NTRK3: variants seen among roughly 807,000 people sequenced by gnomAD.
The protein encoded by NTRK3 is NT-3 growth factor receptor.
A neutral mutation model predicts 91.7 loss-of-function variants in NTRK3; 24 were observed. The observed-to-expected ratio is 0.26, with a 90% confidence interval of 0.19 to 0.37. The LOEUF (loss-of-function observed/expected upper bound fraction) is 0.37. Ranked by LOEUF, NTRK3 falls within the 10% of genes least tolerant of loss-of-function variation. The pLI, the probability that NTRK3 is intolerant of heterozygous loss-of-function variation, is 1.00. For missense variants in NTRK3, 880 were observed against 1,068.9 expected (o/e 0.82, Z 2.46); for synonymous variants, 483 against 404.0 (o/e 1.20, Z -2.34).
rs189668821 is a variant in NTRK3, at chr15:87,960,422, C to T, written c.1586-19669G>A. Among the ~76,000 whole-genome samples the T allele has an allele frequency of 2.4e-4, 37 of 152,134 alleles. 1 individual carries two copies. In the East Asian group the frequency reaches 6.4e-3, roughly 26 times the overall value. ...GGATGTGGACCCATCTAGCACCCGTCTCTCTTCACTACTATAAACCCCTCT... is the reference window on the plus strand; with the variant it reads ...GGATGTGGACCCATCTAGCACCCGTTTCTCTTCACTACTATAAACCCCTCT... On this transcript the variant is annotated intron_variant, in intron 14 of 18. Transcript: ENST00000394480.
chr15:88,175,136 G>T (rs1388624065), intron 5 of NTRK3, among the ~76,000 whole-genome samples: 2 of 152,170 alleles, frequency 1.3e-5, no homozygotes, highest in African/African-American at 4.8e-5. Flanking sequence ...GTCATTCCTG[G>T]TTTATCTTTT....
At chr15:88,092,504 C>T (rs916667542) in intron 13 of NTRK3, among the ~76,000 whole-genome samples, 1 of 152,218 alleles carries the variant, frequency 6.6e-6, no homozygotes, top group Non-Finnish European at 1.5e-5. Context: ...TGTTGACTCT[C>T]TCAGAAAAAT....
At chr15:88,189,233 T>C (rs1264546729) in intron 3 of NTRK3, among the ~76,000 whole-genome samples, 3 of 152,054 alleles carry the variant, frequency 2.0e-5, no homozygotes, top group Admixed American at 6.6e-5. Flanking sequence ...TTCTAAAAAA[T>C]CAGTCTGAAA....
At chr15:88,163,235 T>C (rs2044629891) in intron 5 of NTRK3, among the ~76,000 whole-genome samples, 3 of 152,142 alleles carry the variant, frequency 2.0e-5, no homozygotes, top group Admixed American at 1.3e-4. Flanking sequence ...GGTCAACGGC[T>C]CATTTGTCTT....
At chr15:88,196,753 T>G (rs2047856452) in intron 3 of NTRK3, among the ~76,000 whole-genome samples, 1 of 152,162 alleles carries the variant, frequency 6.6e-6, no homozygotes, top group Admixed American at 6.5e-5. Context: ...CCTCATATAC[T>G]CACCCTCTGG....
At chr15:88,133,195 A>G (rs767680385) in intron 10 of NTRK3, among the ~76,000 whole-genome samples, 4 of 152,124 alleles carry the variant, frequency 2.6e-5, no homozygotes, top group Non-Finnish European at 5.9e-5. Context: ...ATAACTGACT[A>G]TGGTGACAAG....
At chr15:88,217,798 G>T (rs1371380092) in intron 3 of NTRK3, among the ~76,000 whole-genome samples, 1 of 141,138 alleles carries the variant, frequency 7.1e-6, no homozygotes, top group Non-Finnish European at 1.5e-5. Context: ...TCACTCTGTC[G>T]CCCAGGCTGG....
Position 88,183,308 on chromosome 15 carries a change from C to T in NTRK3, c.395+110G>A, listed in dbSNP as rs1597816212. ...AGCCCAATAAAGTTCAAAACCTTGCCCAAGAGCCCCTGGAGGCAAAAAGCC... is the reference window on the plus strand; with the variant it reads ...AGCCCAATAAAGTTCAAAACCTTGCTCAAGAGCCCCTGGAGGCAAAAAGCC... On this transcript the variant is annotated intron_variant, in intron 5 of 18. Coordinates refer to ENST00000394480, the Ensembl canonical transcript of NTRK3. The T allele has an allele frequency of 3.7e-6, 4 of 1,072,244 alleles. No individual in the cohort carries two copies. The East Asian group carries it at 9.5e-5, about 25-fold the overall frequency. 66.4% of individuals were successfully genotyped at this position (1,072,244 alleles called of 1,614,324 possible). A position where few individuals can be genotyped will look rare whatever the true frequency, so the allele number is the denominator to read the frequency against.
chr15:88,048,694 A>G (rs1348962339), intron 13 of NTRK3, among the ~76,000 whole-genome samples: 1 of 152,214 alleles, frequency 6.6e-6, no homozygotes, highest in African/African-American at 2.4e-5. Flanking sequence ...GATAAAATGT[A>G]GGCTATGTAT....
At chr15:87,902,757 C>A (rs771346401) in intron 17 of NTRK3, among the ~76,000 whole-genome samples, 1 of 152,128 alleles carries the variant, frequency 6.6e-6, no homozygotes, top group East Asian at 1.9e-4. Context: ...AAATTCGACT[C>A]TCAAGTTAGT....
At chr15:87,994,738 G>A (rs1195075338) in intron 14 of NTRK3, among the ~76,000 whole-genome samples, 1 of 152,174 alleles carries the variant, frequency 6.6e-6, no homozygotes, top group Non-Finnish European at 1.5e-5. Context: ...GCAGGAATAT[G>A]GGAAAAATGG....
intron 13 of NTRK3, among the ~76,000 whole-genome samples, chr15:88,055,112 A>G (rs2045567452): frequency 6.6e-6 from 1 of 152,164 alleles, no homozygotes; most frequent in African/African-American, 2.4e-5. Flanking sequence ...CAGTGAGCTT[A>G]GATTCTGGTA....
intron 17 of NTRK3, among the ~76,000 whole-genome samples, chr15:87,902,006 G>A (rs1411757823): frequency 6.6e-6 from 1 of 152,138 alleles, no homozygotes; most frequent in East Asian, 1.9e-4. Flanking sequence ...GGCACATTTT[G>A]GACAATGTGA....
At chr15:88,062,895 A>C (rs2046339487) in intron 13 of NTRK3, among the ~76,000 whole-genome samples, 1 of 152,222 alleles carries the variant, frequency 6.6e-6, no homozygotes, top group African/African-American at 2.4e-5. Flanking sequence ...GCCAAAGGCC[A>C]AAGGCCCCCC....
At chr15:87,891,630 C>G (rs1248656330) in intron 17 of NTRK3, among the ~76,000 whole-genome samples, 1 of 152,110 alleles carries the variant, frequency 6.6e-6, no homozygotes, top group African/African-American at 2.4e-5. Context: ...CATACCATAT[C>G]TGTTCTGTTC....
chr15:88,017,870 C>T (rs1340342746), intron 14 of NTRK3, among the ~76,000 whole-genome samples: 17 of 152,152 alleles, frequency 1.1e-4, no homozygotes, highest in Non-Finnish European at 1.5e-5. Context: ...AATCAATGAG[C>T]CATTAGGAGT....
intron 14 of NTRK3, among the ~76,000 whole-genome samples, chr15:87,964,565 GAATGGTA>G (rs2072615680): frequency 6.6e-6 from 1 of 151,934 alleles, no homozygotes; most frequent in Admixed American, 6.6e-5. Flanking sequence ...TAAATCTACT[GAATGGTA>G]TAATCACCAG....
chr15:87,885,639 T>A (rs2065490591), intron 17 of NTRK3, 55 bp downstream of exon 18: 1 of 925,316 alleles, frequency 1.1e-6, no homozygotes, highest in Non-Finnish European at 1.6e-6. Flanking sequence ...GGCTTAGTAA[T>A]TAAAGTGTTG....
At chr15:88,172,192 A>G (rs2045587230) in intron 5 of NTRK3, among the ~76,000 whole-genome samples, 1 of 152,222 alleles carries the variant, frequency 6.6e-6, no homozygotes. Context: ...CCAGCAAGAA[A>G]AGAGACTTTC....
Sources: gnomAD v4.1 joint callset for allele counts (sites outside exome capture counted in the v4.1 genomes callset) on GRCh38, gnomAD v4.1.1 for gene constraint, MANE v1.5 for transcripts, NCBI Gene and HGNC (gene_info 2026-07-23, HGNC 2026-07-21) for gene names.